The following CAMK4 variants were observed in gnomAD, a reference collection of about 807,000 sequenced individuals.
The protein encoded by CAMK4 is calcium/calmodulin dependent protein kinase IV.
CAMK4 carries 22 observed loss-of-function variants against 44.9 expected under a neutral mutation model. The ratio of observed to expected loss-of-function variants is 0.49; its 90% CI spans 0.35 to 0.70. The LOEUF (loss-of-function observed/expected upper bound fraction) is 0.70. CAMK4 is among the 30% of genes least tolerant of loss of function. CAMK4 has a pLI of 0.01. For missense variants in CAMK4, 498 were observed against 586.8 expected (o/e 0.85, Z 1.56); for synonymous variants, 218 against 215.4 (o/e 1.01, Z -0.11).
chr5:111,253,658 T>C (rs1033827854), intron 1 of CAMK4, among the ~76,000 whole-genome samples: 1 of 152,206 alleles, frequency 6.6e-6, no homozygotes, highest in African/African-American at 2.4e-5. Context: ...TTAGCTACAA[T>C]TTTATGATGT....
At chr5:111,477,795 T>G (rs934738972) in intron 8 of CAMK4, among the ~76,000 whole-genome samples, 14 of 152,328 alleles carry the variant, frequency 9.2e-5, no homozygotes, top group African/African-American at 3.4e-4. Context: ...AGCTTCTGTC[T>G]TTGTTCACTC....
At chr5:111,264,006 C>CT (rs1750115398) in intron 1 of CAMK4, among the ~76,000 whole-genome samples, 1 of 152,218 alleles carries the variant, frequency 6.6e-6, no homozygotes, top group African/African-American at 2.4e-5. Context: ...TCCTTTCTGT[C>CT]TTTTGAAACT....
intron 5 of CAMK4, among the ~76,000 whole-genome samples, chr5:111,396,158 T>A (rs1751998940): frequency 6.6e-6 from 1 of 152,146 alleles, no homozygotes; most frequent in Non-Finnish European, 1.5e-5. Context: ...CTTCTAGAAA[T>A]AGCCAATTGA....
intron 7 of CAMK4, among the ~76,000 whole-genome samples, chr5:111,453,903 G>C (rs1202899633): frequency 1.3e-5 from 2 of 152,120 alleles, no homozygotes; most frequent in Non-Finnish European, 2.9e-5. Context: ...GGATGACTAA[G>C]GCAGAGGAAT....
At chr5:111,372,985 A>G (rs1267619428) in intron 2 of CAMK4, among the ~76,000 whole-genome samples, 1 of 152,162 alleles carries the variant, frequency 6.6e-6, no homozygotes, top group Non-Finnish European at 1.5e-5. Flanking sequence ...CTCTCCTCTA[A>G]GAATTTATAG....
intron 8 of CAMK4, among the ~76,000 whole-genome samples, chr5:111,476,265 G>GTGTT (rs1554075046): frequency 1.6e-4 from 19 of 116,226 alleles, no homozygotes; most frequent in Non-Finnish European, 1.1e-4. Flanking sequence ...GTGTGTGTGT[G>GTGTT]TGTGTTTGTG....
intron 1 of CAMK4, among the ~76,000 whole-genome samples, chr5:111,232,203 C>T (rs1748507094): frequency 6.6e-6 from 1 of 151,932 alleles, no homozygotes; most frequent in Non-Finnish European, 1.5e-5. Flanking sequence ...AATATTTGGC[C>T]TCCAAGTGCA....
In CAMK4 at chr5:111,487,016, A is replaced by G. The variant is rs375000659; in HGVS notation, c.*2550A>G. 10 of 152,338 alleles carry G rather than the reference A, an allele frequency of 6.6e-5. No individual in the cohort carries two copies. The South Asian group carries it at 1.9e-3, about 28-fold the overall frequency. The allele number at this position is 152,338 out of a possible 1,614,324, so 9.4% of individuals were successfully genotyped here. ...CAAATTATTCAAAGATTTCATATAC[A>G]TACATCCTAAGTTAGGATAATTATG... On this transcript the variant is annotated 3_prime_UTR_variant, in exon 11 of 11. Coordinates refer to ENST00000282356, the MANE Select transcript of CAMK4 (RefSeq NM_001744.6).
At chr5:111,471,194 T>C (rs1755053268) in intron 7 of CAMK4, among the ~76,000 whole-genome samples, 1 of 152,170 alleles carries the variant, frequency 6.6e-6, no homozygotes, top group South Asian at 2.1e-4. Context: ...GATGCAACAG[T>C]GTTGTCACCC....
intron 5 of CAMK4, among the ~76,000 whole-genome samples, chr5:111,428,484 A>G (rs1369639131): frequency 6.6e-6 from 1 of 152,276 alleles, no homozygotes; most frequent in African/African-American, 2.4e-5. Flanking sequence ...AAGAAATTCA[A>G]GATAACACAG....
At chr5:111,346,037 C>A (rs1003451429) in intron 2 of CAMK4, among the ~76,000 whole-genome samples, 1 of 151,886 alleles carries the variant, frequency 6.6e-6, no homozygotes, top group Non-Finnish European at 1.5e-5. Flanking sequence ...AGTATTGTCT[C>A]CTAGGATAAA....
chr5:111,261,036 T>G (rs978669200), intron 1 of CAMK4, among the ~76,000 whole-genome samples: 2 of 152,222 alleles, frequency 1.3e-5, no homozygotes, highest in Non-Finnish European at 2.9e-5. Flanking sequence ...GTCACCTTAA[T>G]TTTTGAGGCC....
chr5:111,284,366 T>C (rs944859067), intron 1 of CAMK4, among the ~76,000 whole-genome samples: 2 of 152,108 alleles, frequency 1.3e-5, no homozygotes, highest in Non-Finnish European at 2.9e-5. Flanking sequence ...ATGAGAAACA[T>C]AAAGATGAAC....
chr5:111,315,417 T>C (rs1226976605), intron 1 of CAMK4, among the ~76,000 whole-genome samples: 1 of 152,172 alleles, frequency 6.6e-6, no homozygotes, highest in Non-Finnish European at 1.5e-5. Context: ...TATTAATGAT[T>C]TCTTGTCTCC....
chr5:111,482,751 A>T lies in CAMK4; in HGVS notation c.829-34A>T, dbSNP rs1343199354. ...AGGGCAAGCCCAGGTCATCCTAAAAACCTCGCTAAGTTTATGGTTCTTTAT... is the reference window on the plus strand; with the variant it reads ...AGGGCAAGCCCAGGTCATCCTAAAATCCTCGCTAAGTTTATGGTTCTTTAT... On this transcript the variant is annotated intron_variant, in intron 9 of 10. Transcript: ENST00000282356. This position sits in a 1 kb window ranked among gnomAD's most constrained non-coding sequence, Gnocchi z 4.9. 2 of 1,576,504 alleles carry T rather than the reference A, an allele frequency of 1.3e-6. No homozygotes were observed. Among genetic ancestry groups the T allele is most frequent in the Admixed American group, 3.7e-5 (2 of 53,466 alleles).
intron 7 of CAMK4, among the ~76,000 whole-genome samples, chr5:111,455,765 T>C (rs986425405): frequency 6.6e-6 from 1 of 152,206 alleles, no homozygotes; most frequent in Non-Finnish European, 1.5e-5. Context: ...GTTGTGGTAT[T>C]GTTGTTGTTC....
intron 2 of CAMK4, among the ~76,000 whole-genome samples, chr5:111,369,560 C>A (rs534383128): frequency 6.6e-6 from 1 of 152,022 alleles, no homozygotes; most frequent in East Asian, 1.9e-4. Flanking sequence ...CATTGTTTTG[C>A]AAATCTCTTT....
intron 1 of CAMK4, among the ~76,000 whole-genome samples, chr5:111,236,771 C>T (rs949028661): frequency 1.3e-5 from 2 of 152,154 alleles, no homozygotes; most frequent in African/African-American, 2.4e-5. Flanking sequence ...AATGCTTTGT[C>T]GTCTTCACCA....
chr5:111,433,451 A>G (rs1048422566), intron 5 of CAMK4, among the ~76,000 whole-genome samples: 1 of 152,204 alleles, frequency 6.6e-6, no homozygotes. Context: ...TCAGGGACCC[A>G]GAAATGAATA....
Sources: gnomAD v4.1 joint callset for allele counts (sites outside exome capture counted in the v4.1 genomes callset) on GRCh38, gnomAD v4.1.1 for gene constraint, Gnocchi (gnomAD v3.1) non-coding constraint, MANE v1.5 for transcripts, NCBI Gene and HGNC (gene_info 2026-07-23, HGNC 2026-07-21) for gene names.